PER3: variants seen among roughly 807,000 people sequenced by gnomAD.
PER3 encodes period circadian regulator 3.
Under a neutral mutation model 127.2 loss-of-function variants are expected in PER3, and 107 were observed. That is an observed-to-expected ratio of 0.84 (90% CI 0.72 to 0.99). PER3 has a LOEUF of 0.99. Ranked by LOEUF, PER3 falls within the 50% of genes least tolerant of loss-of-function variation. The pLI, the probability that PER3 is intolerant of heterozygous loss-of-function variation, is 0.00. For missense variants in PER3, 1,560 were observed against 1,525.8 expected, an observed-to-expected ratio of 1.02 and a Z score of -0.37; for synonymous variants, 618 against 585.8, an observed-to-expected ratio of 1.05 and a Z score of -0.79.
chr1:7,815,570 C>T (rs1401145306), intron 13 of PER3, among the ~76,000 whole-genome samples: 1 of 152,082 alleles, frequency 6.6e-6, no homozygotes, highest in Non-Finnish European at 1.5e-5. Context: ...ATTCTCTAGC[C>T]ATAATGGATT....
chr1:7,788,980 T>C (rs1483975247), intron 5 of PER3, among the ~76,000 whole-genome samples: 3 of 152,110 alleles, frequency 2.0e-5, no homozygotes, highest in Admixed American at 6.6e-5. Context: ...ATGAGTCTTA[T>C]TACTTTGTTT....
rs780527847 is a variant in PER3 at position 7,827,740 on chromosome 1, AC to A, written c.2812del (p.Leu938PhefsTer15). 1.1e-5 allele frequency: 17 copies of A among 1,614,096 alleles called. No individual in the cohort carries two copies. The South Asian group carries it at 1.9e-4, about 18-fold the overall frequency. On this transcript the variant is annotated frameshift_variant, in exon 18 of 22. Coordinates refer to ENST00000377532, the MANE Select transcript of PER3 (RefSeq NM_001377275.1). LOFTEE classifies it high-confidence loss of function. ...GCAGCTCACCCTTGCAGTTAAACTT[AC>A]TTCAGGAAGAGATGCCCAGACCCTC... ...RSSSPLQLNLLQEEMPRPSES... is the reference protein window; with the variant it reads ...RSSSPLQLNLXQEEMPRPSES...
At chr1:7,806,234 C>A (rs2097191988) in intron 10 of PER3, among the ~76,000 whole-genome samples, 1 of 152,146 alleles carries the variant, frequency 6.6e-6, no homozygotes, top group Admixed American at 6.5e-5. Flanking sequence ...CAGTCCTTCC[C>A]AGCAGCACTG....
intron 9 of PER3, 70 bp from the exon 10 acceptor site, chr1:7,803,622 C>A: frequency 1.0e-6 from 1 of 989,058 alleles, no homozygotes; most frequent in Non-Finnish European, 1.5e-6. Context: ...AAATAAATGG[C>A]TTAAAAAGGA....
chr1:7,787,517 A>C (rs749071136), intron 4 of PER3: 1 of 415,076 alleles, frequency 2.4e-6, no homozygotes, highest in Non-Finnish European at 4.7e-6. Context: ...AGCTTAAGAA[A>C]ATATTTGTCT....
intron 16 of PER3, among the ~76,000 whole-genome samples, chr1:7,824,564 G>T (rs2097292618): frequency 6.6e-6 from 1 of 151,926 alleles, no homozygotes; most frequent in Admixed American, 6.6e-5. Flanking sequence ...TGCATGCCTG[G>T]TGATTCTTTC....
At chr1:7,805,210 C>G (rs1291349820) in intron 10 of PER3, among the ~76,000 whole-genome samples, 3 of 152,266 alleles carry the variant, frequency 2.0e-5, no homozygotes, top group Admixed American at 2.0e-4. Context: ...TTTGACCTGG[C>G]TCTAGGTTTC....
intron 5 of PER3, among the ~76,000 whole-genome samples, chr1:7,790,472 C>A (rs1394793069): frequency 1.3e-5 from 2 of 152,160 alleles, no homozygotes; most frequent in Non-Finnish European, 2.9e-5. Flanking sequence ...CCGGGTTCCT[C>A]CCACCACACA....
chr1:7,820,582 G>A lies in PER3; in HGVS notation c.1899G>A (p.Ser633=). 5.6e-6 allele frequency: 9 copies of A among 1,614,056 alleles called. No individual in the cohort carries two copies. The highest frequency in any genetic ancestry group is 4.5e-5 in the East Asian group (2 of 44,884). Residue 633 remains serine, a synonymous_variant, in exon 16 of 22, where the codon TCG becomes TCA. Transcript: ENST00000377532. ...ILSTAMLSLG[S]GISQCGYSST... ...CCACGGCGATGCTGAGCTTGGGGTCGGGCATAAGCCAATGCGGTTACAGCA... is the reference window on the plus strand; with the variant it reads ...CCACGGCGATGCTGAGCTTGGGGTCAGGCATAAGCCAATGCGGTTACAGCA...
chr1:7,796,657 G>GT (rs1369625936), intron 6 of PER3, among the ~76,000 whole-genome samples: 1 of 152,022 alleles, frequency 6.6e-6, no homozygotes, highest in African/African-American at 2.4e-5. Context: ...TGGCTGCAGT[G>GT]TTGAAGATAC....
intron 13 of PER3, among the ~76,000 whole-genome samples, chr1:7,810,956 CCTTT>C (rs1335184158): frequency 6.6e-6 from 1 of 151,968 alleles, no homozygotes; most frequent in African/African-American, 2.4e-5. Flanking sequence ...AATGAAAATC[CCTTT>C]CTGTCATTTC....
chr1:7,798,048 A>G (rs61773374), intron 6 of PER3, among the ~76,000 whole-genome samples: 23,879 of 152,198 alleles, frequency 0.16, 2,128 homozygotes, highest in Admixed American at 0.19. Context: ...ACCTGACCTC[A>G]TGCAAGGGCC....
At position 7,784,754 on chromosome 1, in the gene PER3, G is replaced by T; in HGVS notation, c.-124G>T. Reference sequence around the variant, plus strand: ...ACCCCCTGGCTCGTGGTGGCCGCCTGTTCTCACTAACGCCATGGCGGGGAC... The same window carrying T: ...ACCCCCTGGCTCGTGGTGGCCGCCTTTTCTCACTAACGCCATGGCGGGGAC... On this transcript the variant is annotated 5_prime_UTR_variant, in exon 2 of 22. Transcript: ENST00000377532. The T allele has an allele frequency of 1.9e-6, 2 of 1,069,766 alleles. No homozygotes were observed. Among genetic ancestry groups the T allele is most frequent in the Non-Finnish European group, 2.5e-6 (2 of 803,056 alleles). The allele number at this position is 1,069,766 out of a possible 1,614,324, so 66.3% of individuals were successfully genotyped here.
intron 3 of PER3, 42 bp downstream of exon 3, chr1:7,785,628 G>T (rs2097084646): frequency 1.3e-6 from 2 of 1,576,704 alleles, no homozygotes; most frequent in South Asian, 2.3e-5. Flanking sequence ...GAATGCACCA[G>T]GACTCATACA....
At chr1:7,800,478 G>A (rs1014799636) in intron 7 of PER3, among the ~76,000 whole-genome samples, 9 of 151,880 alleles carry the variant, frequency 5.9e-5, no homozygotes, top group East Asian at 1.9e-4. Flanking sequence ...GATTACACGC[G>A]TGAGCCACCG....
intron 10 of PER3, among the ~76,000 whole-genome samples, chr1:7,806,786 C>A (rs867000970): frequency 1.0e-5 from 1 of 96,958 alleles, no homozygotes. Context: ...AGAGCAAGAC[C>A]CTGTCTCTTA....
rs1440864866 is a variant in PER3 at position 7,788,110 on chromosome 1, T to C, written c.456T>C (p.Ala152=). The change falls in exon 5 of 22, where the codon GCT becomes GCC. Residue 152 remains alanine (A), a synonymous_variant. Transcript: ENST00000377532. ...TAGTGCACATTTCTGAACAGGCTGC[T>C]TTGATCCTGAATCGTAAGAAAGATG... ...GRLVHISEQA[A]LILNRKKDVL... 1 of 1,614,114 alleles carries C rather than the reference T, an allele frequency of 6.2e-7. No homozygotes were observed. The highest frequency in any genetic ancestry group is 1.1e-5 in the South Asian group (1 of 91,090).
At chr1:7,785,976 G>T (rs764849875) in intron 3 of PER3, among the ~76,000 whole-genome samples, 1 of 152,202 alleles carries the variant, frequency 6.6e-6, no homozygotes, top group East Asian at 1.9e-4. Flanking sequence ...CAGTAATGAG[G>T]CTGGGCGCGG....
chr1:7,833,444 A>G (rs1190665209), intron 19 of PER3, among the ~76,000 whole-genome samples: 1 of 152,110 alleles, frequency 6.6e-6, no homozygotes, highest in Admixed American at 6.5e-5. Context: ...AAGCTCTTTT[A>G]TTAGGTGCAT....
Sources: gnomAD v4.1 joint callset for allele counts (sites outside exome capture counted in the v4.1 genomes callset) on GRCh38, gnomAD v4.1.1 for gene constraint, MANE v1.5 for transcripts, NCBI Gene and HGNC (gene_info 2026-07-23, HGNC 2026-07-21) for gene names.